Variants in CCSER1 observed in about 807,000 individuals in gnomAD.
CCSER1 encodes coiled-coil serine rich protein 1, also known as serine-rich coiled-coil domain-containing protein 1.
A neutral mutation model predicts 82.0 loss-of-function variants in CCSER1; 41 were observed. The ratio of observed to expected loss-of-function variants is 0.50; its 90% CI spans 0.39 to 0.65. CCSER1 has a LOEUF of 0.65. Among genes scored for constraint, CCSER1 ranks in the 30% least tolerant of loss-of-function variants. CCSER1 has a pLI of 0.00. For missense variants in CCSER1, 1,119 were observed against 1,064.2 expected, an observed-to-expected ratio of 1.05 and a Z score of -0.72; for synonymous variants, 414 against 383.9, an observed-to-expected ratio of 1.08 and a Z score of -0.92.
At chr4:91,379,075 C>G (rs558720051) in intron 10 of CCSER1, among the ~76,000 whole-genome samples, 5 of 152,026 alleles carry the variant, frequency 3.3e-5, no homozygotes, top group Non-Finnish European at 7.4e-5. Flanking sequence ...ATATGTTGAA[C>G]CAGCCTTGCA....
intron 7 of CCSER1, chr4:90,781,792 T>C (rs1753814126): frequency 2.1e-6 from 2 of 960,150 alleles, no homozygotes; most frequent in Non-Finnish European, 2.5e-6. Flanking sequence ...TTTTGGCTTT[T>C]TTGATAACTT....
chr4:90,757,075 A>G (rs1360597830), intron 7 of CCSER1, among the ~76,000 whole-genome samples: 2 of 152,192 alleles, frequency 1.3e-5, no homozygotes, highest in Non-Finnish European at 2.9e-5. Flanking sequence ...AAGAACATTT[A>G]TCATGGTTTC....
At chr4:91,305,679 A>C (rs1297850205) in intron 10 of CCSER1, among the ~76,000 whole-genome samples, 1 of 139,892 alleles carries the variant, frequency 7.1e-6, no homozygotes. Context: ...GTGTGTGTGC[A>C]TGTGTGTATT....
chr4:91,408,932 T>C (rs772557746), intron 10 of CCSER1, among the ~76,000 whole-genome samples: 1 of 152,210 alleles, frequency 6.6e-6, no homozygotes, highest in Non-Finnish European at 1.5e-5. Context: ...TGATAATGGA[T>C]ACCCTCAGGT....
chr4:91,501,349 T>C (rs1759202867), intron 10 of CCSER1, among the ~76,000 whole-genome samples: 1 of 151,932 alleles, frequency 6.6e-6, no homozygotes. Context: ...TTAGAAAATC[T>C]GTAATTGTAA....
intron 10 of CCSER1, among the ~76,000 whole-genome samples, chr4:91,571,080 A>T (rs943799617): frequency 2.0e-5 from 3 of 152,168 alleles, no homozygotes; most frequent in African/African-American, 7.2e-5. Flanking sequence ...GTTCCCAACA[A>T]GTTTCTCATC....
At chr4:90,135,602 A>G (rs1280970955) in intron 1 of CCSER1, among the ~76,000 whole-genome samples, 1 of 152,324 alleles carries the variant, frequency 6.6e-6, no homozygotes, top group Non-Finnish European at 1.5e-5. Flanking sequence ...TAGACTGGTT[A>G]GACTTTTTCT....
intron 10 of CCSER1, among the ~76,000 whole-genome samples, chr4:91,523,742 C>A (rs927174647): frequency 3.9e-5 from 6 of 151,904 alleles, no homozygotes; most frequent in African/African-American, 1.5e-4. Flanking sequence ...ATTTTTATTG[C>A]GTCCATTTGA....
At chr4:91,081,819 T>C in intron 9 of CCSER1, among the ~76,000 whole-genome samples, 1 of 152,138 alleles carries the variant, frequency 6.6e-6, no homozygotes, top group East Asian at 1.9e-4. Context: ...CACAATTGCT[T>C]CCAAGAGAAT....
chr4:91,164,385 G>A lies in CCSER1; in HGVS notation c.2217+78391G>A, dbSNP rs990119742. On this transcript the variant is annotated intron_variant, in intron 10 of 10. Coordinates refer to ENST00000509176, the MANE Select transcript of CCSER1 (RefSeq NM_001145065.2). ...ATATTTTTTCCTTCATTTCAACCTTGGTGAATCTGACAATTATGTGTCTTG... is the reference window on the plus strand; with the variant it reads ...ATATTTTTTCCTTCATTTCAACCTTAGTGAATCTGACAATTATGTGTCTTG... Among the ~76,000 whole-genome samples the A allele has an allele frequency of 2.6e-5, 4 of 152,038 alleles. No individual in the cohort carries two copies. In the South Asian group the frequency reaches 6.2e-4, roughly 24 times the overall value.
Position 90,646,168 on chromosome 4 carries a change from A to G in CCSER1, c.1932+17936A>G, listed in dbSNP as rs183255023. Among the ~76,000 whole-genome samples the G allele has an allele frequency of 4.6e-5, 7 of 152,318 alleles. No individual in the cohort carries two copies. In the East Asian group the frequency reaches 1.3e-3, roughly 29 times the overall value. On this transcript the variant is annotated intron_variant, in intron 6 of 10. Coordinates refer to ENST00000509176, the MANE Select transcript of CCSER1 (RefSeq NM_001145065.2). The stretch of plus-strand genomic sequence containing the variant: ...GCTGGCGTTGATTTTGGGGAAAAAA[A>G]TCAGCAGATAACATCTAAATCTCTG...
rs181599919 is a variant in CCSER1 at position 91,139,466 on chromosome 4, C to T, written c.2217+53472C>T. 5.7e-3 allele frequency among the ~76,000 whole-genome samples: 873 copies of T among 152,050 alleles called. 6 individuals carry two copies. Among genetic ancestry groups the T allele is most frequent in the African/African-American group, 0.019 (799 of 41,484 alleles). On this transcript the variant is annotated intron_variant, in intron 10 of 10. Coordinates refer to ENST00000509176, the MANE Select transcript of CCSER1 (RefSeq NM_001145065.2). Reference sequence around the variant, plus strand: ...TAAGAGGCTTTATTATTTCTAAGTGCGCTGCGATTTGCATTTTTCTCTTAG... The same window carrying T: ...TAAGAGGCTTTATTATTTCTAAGTGTGCTGCGATTTGCATTTTTCTCTTAG...
intron 10 of CCSER1, among the ~76,000 whole-genome samples, chr4:91,200,084 G>A (rs1487276519): frequency 6.6e-6 from 1 of 152,030 alleles, no homozygotes; most frequent in Non-Finnish European, 1.5e-5. Context: ...AACAGTGGAT[G>A]AATGTGTCTA....
intron 10 of CCSER1, among the ~76,000 whole-genome samples, chr4:91,399,041 A>G (rs1039414362): frequency 6.6e-6 from 1 of 151,896 alleles, no homozygotes; most frequent in African/African-American, 2.4e-5. Flanking sequence ...AGAAATCGTG[A>G]GATGTGTAAA....
At chr4:90,193,453 T>C (rs915639301) in intron 1 of CCSER1, among the ~76,000 whole-genome samples, 2 of 152,112 alleles carry the variant, frequency 1.3e-5, no homozygotes, top group African/African-American at 4.8e-5. Context: ...AGTTAGGGTA[T>C]CTTGGAGACA....
intron 8 of CCSER1, chr4:90,911,490 T>A (rs1185967713): frequency 3.0e-6 from 1 of 331,124 alleles, no homozygotes; most frequent in Non-Finnish European, 6.0e-6. Context: ...ATTTAAATAA[T>A]CTTGGGGGCG....
chr4:90,950,186 A>G (rs2150352078), intron 9 of CCSER1, among the ~76,000 whole-genome samples: 1 of 152,316 alleles, frequency 6.6e-6, no homozygotes, highest in South Asian at 2.1e-4. Context: ...AAAAAGAGAA[A>G]GTAAAATTAA....
intron 7 of CCSER1, among the ~76,000 whole-genome samples, chr4:90,805,933 GA>G (rs1240453866): frequency 4.6e-5 from 7 of 152,146 alleles, no homozygotes; most frequent in South Asian, 2.1e-4. Context: ...ATATGTTCTA[GA>G]ATTTTGCAAA....
At chr4:91,361,049 A>T (rs1403764272) in intron 10 of CCSER1, among the ~76,000 whole-genome samples, 2 of 151,756 alleles carry the variant, frequency 1.3e-5, no homozygotes, top group Non-Finnish European at 2.9e-5. Flanking sequence ...TGAAGAGTTA[A>T]ATCTAAATAG....
Sources: allele counts gnomAD v4.1 joint callset (sites outside exome capture counted in the v4.1 genomes callset), GRCh38; gene constraint gnomAD v4.1.1; transcripts MANE v1.5; gene names NCBI Gene and HGNC (gene_info 2026-07-23, HGNC 2026-07-21).